The following ELMO1 variants were observed in gnomAD, a reference collection of about 807,000 sequenced individuals.
ELMO1 encodes the protein engulfment and cell motility 1.
ELMO1 carries 26 observed loss-of-function variants against 98.9 expected under a neutral mutation model. The ratio of observed to expected loss-of-function variants is 0.26; its 90% confidence interval spans 0.19 to 0.36. The LOEUF is 0.36. Ranked by LOEUF, ELMO1 falls within the 10% of genes least tolerant of loss-of-function variation. The pLI is 1.00. For missense variants in ELMO1, 627 were observed against 935.2 expected (o/e 0.67, Z 4.30); for synonymous variants, 346 against 346.0 (o/e 1.00, Z 0.00).
intron 1 of ELMO1, among the ~76,000 whole-genome samples, chr7:37,412,552 A>C (rs987411784): frequency 2.6e-5 from 4 of 152,150 alleles, no homozygotes; most frequent in African/African-American, 7.2e-5. Context: ...CAACAACTAA[A>C]GAAAAACTAA....
At chr7:37,067,936 C>T (rs1013370938) in intron 15 of ELMO1, among the ~76,000 whole-genome samples, 13 of 152,176 alleles carry the variant, frequency 8.5e-5, no homozygotes, top group African/African-American at 2.6e-4. Flanking sequence ...TAAAACAGTT[C>T]GAACTCTGCT....
chr7:37,318,424 T>G (rs1799320094), intron 2 of ELMO1, among the ~76,000 whole-genome samples: 1 of 152,190 alleles, frequency 6.6e-6, no homozygotes, highest in African/African-American at 2.4e-5. Flanking sequence ...AAGGTATTGT[T>G]GAGGTAGGAG....
At chr7:36,992,804 A>G (rs1406842381) in intron 16 of ELMO1, among the ~76,000 whole-genome samples, 1 of 152,254 alleles carries the variant, frequency 6.6e-6, no homozygotes, top group Non-Finnish European at 1.5e-5. Context: ...ATTTCATTGC[A>G]GTGTGTAGAG....
intron 5 of ELMO1, 34 bp from the exon 6 acceptor site, chr7:37,259,384 C>T: frequency 6.3e-7 from 1 of 1,597,392 alleles, no homozygotes; most frequent in African/African-American, 1.3e-5. Flanking sequence ...AGAGTGTTGA[C>T]AAACGAAACC....
At chr7:37,017,953 C>A (rs1299163485) in intron 15 of ELMO1, among the ~76,000 whole-genome samples, 1 of 151,976 alleles carries the variant, frequency 6.6e-6, no homozygotes, top group East Asian at 1.9e-4. Context: ...AATGTGATGC[C>A]CCCTAGCGTG....
At chr7:37,106,681 T>C (rs1784963003) in intron 14 of ELMO1, among the ~76,000 whole-genome samples, 1 of 150,410 alleles carries the variant, frequency 6.6e-6, no homozygotes, top group Admixed American at 6.6e-5. Flanking sequence ...GGGTGTGCCC[T>C]GTCATACAGA....
At chr7:36,879,699 A>G (rs1271393325) in intron 18 of ELMO1, among the ~76,000 whole-genome samples, 1 of 152,226 alleles carries the variant, frequency 6.6e-6, no homozygotes, top group Non-Finnish European at 1.5e-5. Context: ...GAGTACGGCA[A>G]TCCATAGATT....
At chr7:37,086,164 G>A (rs144889082) in intron 15 of ELMO1, among the ~76,000 whole-genome samples, 13 of 152,306 alleles carry the variant, frequency 8.5e-5, no homozygotes, top group Admixed American at 8.5e-4. Flanking sequence ...CAGCCCTCCC[G>A]GGCAAGCCTC....
chr7:37,050,780 A>AC (rs200402886), intron 15 of ELMO1, among the ~76,000 whole-genome samples: 1 of 150,734 alleles, frequency 6.6e-6, no homozygotes, highest in African/African-American at 2.5e-5. Flanking sequence ...AAAAAAAAAA[A>AC]CCCTATTTGA....
At chr7:37,159,072 C>T (rs1789005063) in intron 13 of ELMO1, among the ~76,000 whole-genome samples, 3 of 152,184 alleles carry the variant, frequency 2.0e-5, no homozygotes, top group South Asian at 4.1e-4. Flanking sequence ...CCTAACACCA[C>T]ATGTTCCCAC....
intron 15 of ELMO1, among the ~76,000 whole-genome samples, chr7:37,045,075 T>G (rs989152318): frequency 1.5e-4 from 23 of 151,882 alleles, no homozygotes; most frequent in African/African-American, 5.3e-4. Flanking sequence ...TTAGAAAGAG[T>G]AACTACTTTT....
At chr7:37,325,167 T>C (rs536232009) in intron 2 of ELMO1, among the ~76,000 whole-genome samples, 2 of 152,246 alleles carry the variant, frequency 1.3e-5, no homozygotes, top group Non-Finnish European at 2.9e-5. Flanking sequence ...CAATTCCTCC[T>C]TCTTCCTTAA....
chr7:37,375,329 C>G (rs913067532), intron 1 of ELMO1, among the ~76,000 whole-genome samples: 6 of 152,162 alleles, frequency 3.9e-5, no homozygotes, highest in African/African-American at 1.4e-4. Flanking sequence ...AACATGACTC[C>G]TGAGCAGTAA....
At chr7:37,266,412 T>C (rs999145420) in intron 5 of ELMO1, among the ~76,000 whole-genome samples, 7 of 152,288 alleles carry the variant, frequency 4.6e-5, no homozygotes, top group African/African-American at 1.4e-4. Flanking sequence ...ATAATGCTGA[T>C]ACCGGCTCCC....
intron 16 of ELMO1, among the ~76,000 whole-genome samples, chr7:36,976,565 C>T (rs1201746722): frequency 6.6e-6 from 1 of 152,186 alleles, no homozygotes; most frequent in African/African-American, 2.4e-5. Flanking sequence ...GTGACAGGGA[C>T]CCACTTATGG....
intron 7 of ELMO1, among the ~76,000 whole-genome samples, chr7:37,237,716 A>G (rs962360863): frequency 2.0e-5 from 3 of 152,226 alleles, no homozygotes; most frequent in Non-Finnish European, 4.4e-5. Context: ...GAGTTTTTCC[A>G]TCTGTTTTCC....
At chr7:37,301,069 G>A (rs1251597449) in intron 4 of ELMO1, among the ~76,000 whole-genome samples, 1 of 152,022 alleles carries the variant, frequency 6.6e-6, no homozygotes, top group Non-Finnish European at 1.5e-5. Context: ...GGTGTTTGTA[G>A]TATTCTCTGA....
chr7:37,017,158 TC>T (rs2129176146), intron 15 of ELMO1, among the ~76,000 whole-genome samples: 1 of 152,274 alleles, frequency 6.6e-6, no homozygotes, highest in East Asian at 1.9e-4. Context: ...ACTCCTCCTT[TC>T]CTGGGTCTGG....
At chr7:37,228,773 C>A (rs932950782) in intron 8 of ELMO1, among the ~76,000 whole-genome samples, 1 of 152,032 alleles carries the variant, frequency 6.6e-6, no homozygotes, top group Non-Finnish European at 1.5e-5. Context: ...GAGGCCGAGG[C>A]GGGTGGATCA....
Sources: gnomAD v4.1 joint callset for allele counts (sites outside exome capture counted in the v4.1 genomes callset) on GRCh38, gnomAD v4.1.1 for gene constraint, MANE v1.5 for transcripts, NCBI Gene and HGNC (gene_info 2026-07-23, HGNC 2026-07-21) for gene names.